USH2A: variants seen among roughly 807,000 people sequenced by gnomAD.
USH2A encodes the protein Usher syndrome 2A (autosomal recessive, mild).
USH2A carries 443 observed loss-of-function variants against 538.9 expected under a neutral mutation model. That is an observed-to-expected ratio of 0.82 (90% CI 0.76 to 0.89). USH2A has a LOEUF of 0.89. Among genes scored for constraint, USH2A ranks in the 40% least tolerant of loss-of-function variants. USH2A has a pLI of 0.00. For synonymous variants in USH2A, 2,413 were observed against 2,273.5 expected (o/e 1.06, Z -1.75); for missense variants, 6,633 against 6,324.8 (o/e 1.05, Z -1.65).
chr1:215,654,630 G>A (rs911258774), intron 64 of USH2A, among the ~76,000 whole-genome samples: 1 of 152,098 alleles, frequency 6.6e-6, no homozygotes, highest in Non-Finnish European at 1.5e-5. Flanking sequence ...TAACCATGAA[G>A]AAAGTTACAA....
intron 36 of USH2A, among the ~76,000 whole-genome samples, chr1:215,969,234 A>G (rs1558187371): frequency 3.3e-5 from 5 of 152,192 alleles, no homozygotes; most frequent in Admixed American, 3.3e-4. Flanking sequence ...GAAAAGTACC[A>G]AGGGAGAAAA....
intron 55 of USH2A, 132 bp downstream of exon 55, chr1:215,779,711 G>T: frequency 9.2e-7 from 1 of 1,084,250 alleles, no homozygotes; most frequent in Non-Finnish European, 1.4e-6. Flanking sequence ...AGTGGGACCT[G>T]ACCATATGTC....
At chr1:216,065,248 A>T (rs1395650516) in intron 30 of USH2A, among the ~76,000 whole-genome samples, 4 of 152,164 alleles carry the variant, frequency 2.6e-5, no homozygotes, top group Non-Finnish European at 5.9e-5. Context: ...GGCTGATTTA[A>T]TTTGAAAAGC....
intron 13 of USH2A, among the ~76,000 whole-genome samples, chr1:216,244,598 T>C (rs1455666711): frequency 1.3e-5 from 2 of 152,162 alleles, no homozygotes; most frequent in Non-Finnish European, 2.9e-5. Flanking sequence ...TTCTTCATCC[T>C]AGGAAGGGAA....
At chr1:216,226,067 C>T (rs1047227940) in intron 14 of USH2A, among the ~76,000 whole-genome samples, 4 of 152,072 alleles carry the variant, frequency 2.6e-5, no homozygotes, top group African/African-American at 9.7e-5. Flanking sequence ...ATCTTGGAAA[C>T]CAAAGGAAGA....
At position 216,323,277 on chromosome 1, in the gene USH2A, TATATA is replaced by T. The variant is rs1051132054; in HGVS notation, c.1550+192_1550+196del. Among the ~76,000 whole-genome samples the T allele has an allele frequency of 2.2e-3, 96 of 44,192 alleles. 1 individual carries two copies. In the South Asian group the frequency reaches 0.062, roughly 28 times the overall value. 29.0% of individuals were successfully genotyped at this position (44,192 alleles called of 152,430 possible). A position where few individuals can be genotyped will look rare whatever the true frequency, so the allele number is the denominator to read the frequency against. On this transcript the variant is annotated intron_variant, in intron 8 of 71. Coordinates refer to ENST00000307340, the MANE Select transcript of USH2A (RefSeq NM_206933.4). ...ATATATTTATTTATAAAATACGTTT[TATATA>T]TATATATATATATATATATAACAAT...
In USH2A at chr1:216,199,804, G is replaced by A. The variant is rs1193978993; in HGVS notation, c.3634C>T (p.Pro1212Ser). Residue 1212 changes from proline (P) to serine (S), a missense_variant, in exon 17 of 72, where the codon CCA becomes TCA. Physicochemically the swap from Pro to Ser is moderately conservative, Grantham distance 74. Coordinates refer to ENST00000307340, the MANE Select transcript of USH2A (RefSeq NM_206933.4). ...ETSATIWNLV[P>S]FAKYDFSVQA... ...ACAGAAAAATCGTACTTGGCAAATGGAACCAGATTCCAGATGGTAGCTGAG... is the reference window on the plus strand; with the variant it reads ...ACAGAAAAATCGTACTTGGCAAATGAAACCAGATTCCAGATGGTAGCTGAG... 2 of 1,614,130 alleles carry A rather than the reference G, an allele frequency of 1.2e-6. No individual in the cohort carries two copies. The highest frequency in any genetic ancestry group is 3.3e-5 in the Admixed American group (2 of 60,028).
Position 216,422,370 on chromosome 1 carries a change from A to G in USH2A, c.-34T>C. The G allele has an allele frequency of 6.2e-7, 1 of 1,613,082 alleles. No individual in the cohort carries two copies. The highest frequency in any genetic ancestry group is 8.5e-7 in the Non-Finnish European group (1 of 1,179,676). ...AAAAGCATTCTCCTCCTGATAAAGC[A>G]TTTCTAAATAAATAATCAGGCCCAC... On this transcript the variant is annotated 5_prime_UTR_variant, in exon 2 of 72. The change abolishes an upstream ATG in the 5' untranslated region. Transcript: ENST00000307340.
chr1:215,800,869 CA>C (rs150553143), intron 49 of USH2A, among the ~76,000 whole-genome samples: 2,753 of 152,058 alleles, frequency 0.018, 89 homozygotes, highest in African/African-American at 0.063. Flanking sequence ...AATATTGATG[CA>C]AAAATCTTCA....
At chr1:216,084,053 T>C (rs1322304654) in intron 25 of USH2A, among the ~76,000 whole-genome samples, 1 of 152,106 alleles carries the variant, frequency 6.6e-6, no homozygotes, top group Non-Finnish European at 1.5e-5. Context: ...TGGGCTTTTA[T>C]TTGATGAACA....
intron 49 of USH2A, among the ~76,000 whole-genome samples, chr1:215,803,079 A>T (rs1034271994): frequency 2.0e-5 from 3 of 152,198 alleles, no homozygotes; most frequent in Non-Finnish European, 2.9e-5. Flanking sequence ...ACAAAATTCA[A>T]CAACGCTTCA....
At chr1:215,941,391 G>A (rs1666628988) in intron 37 of USH2A, among the ~76,000 whole-genome samples, 2 of 151,956 alleles carry the variant, frequency 1.3e-5, no homozygotes, top group African/African-American at 2.4e-5. Flanking sequence ...GTAGAAGTAT[G>A]GTCTATTTTT....
At chr1:216,051,120 T>G (rs550470977) in intron 30 of USH2A, among the ~76,000 whole-genome samples, 1 of 152,154 alleles carries the variant, frequency 6.6e-6, no homozygotes, top group Non-Finnish European at 1.5e-5. Flanking sequence ...ATTGGGTTGT[T>G]GTCAAGCTTC....
At chr1:216,365,465 T>C (rs935587470) in intron 3 of USH2A, among the ~76,000 whole-genome samples, 6 of 152,142 alleles carry the variant, frequency 3.9e-5, no homozygotes, top group Non-Finnish European at 8.8e-5. Context: ...AAAGAAATAA[T>C]TAAAACCAGA....
Position 216,196,585 on chromosome 1 carries a change from G to C in USH2A, c.4219C>G (p.Pro1407Ala). ...AACGCCATGGGAATAGACTGTTGAG[G>C]TGATTGTTCAGAAAGCATATTGATG... is the stretch of plus-strand genomic sequence containing the variant. ...YDINMLSEQS[P>A]QQSIPMAFSQ... Residue 1407 changes from proline to alanine, a missense_variant, in exon 19 of 72, where the codon CCT becomes GCT. Transcript: ENST00000307340. 1 of 1,613,514 alleles carries C rather than the reference G, an allele frequency of 6.2e-7. No homozygotes were observed. Among genetic ancestry groups the C allele is most frequent in the Non-Finnish European group, 8.5e-7 (1 of 1,179,636 alleles).
At chr1:216,072,736 G>A (rs1340315186) in intron 29 of USH2A, 153 bp downstream of exon 29, 13 of 728,118 alleles carry the variant, frequency 1.8e-5, no homozygotes, top group African/African-American at 1.0e-4. Context: ...AAGCATTTTA[G>A]CCATTGACAG....
At chr1:216,027,896 T>G in intron 32 of USH2A, among the ~76,000 whole-genome samples, 1 of 152,218 alleles carries the variant, frequency 6.6e-6, no homozygotes, top group East Asian at 1.9e-4. Context: ...CATCATTCTT[T>G]TACTTTAAAC....
intron 44 of USH2A, among the ~76,000 whole-genome samples, chr1:215,851,946 C>G (rs1268513735): frequency 6.6e-6 from 1 of 152,100 alleles, no homozygotes. Flanking sequence ...ATCACATGAT[C>G]ATCTCAATCA....
rs1199552058 is a variant in USH2A, at chr1:216,100,014, G to GA, written c.4628-2802dup. 1.3e-4 allele frequency among the ~76,000 whole-genome samples: 20 copies of GA among 151,992 alleles called. No individual in the cohort carries two copies. In the East Asian group the frequency reaches 1.7e-3, roughly 13 times the overall value. ...ATGGAAATGTCCACATTTCAGAAAA[G>GA]AAAAAAACAAGGGCAAGAATAAAGT... On this transcript the variant is annotated intron_variant, in intron 21 of 71. Coordinates refer to ENST00000307340, the MANE Select transcript of USH2A (RefSeq NM_206933.4).
Sources: gnomAD v4.1 joint callset for allele counts (sites outside exome capture counted in the v4.1 genomes callset) on GRCh38, gnomAD v4.1.1 for gene constraint, MANE v1.5 for transcripts, NCBI Gene and HGNC (gene_info 2026-07-23, HGNC 2026-07-21) for gene names.